Variants in NAP1L1 observed in about 807,000 individuals in gnomAD.
NAP1L1 encodes the protein nucleosome assembly protein 1 like 1, also known as nucleosome assembly protein 1-like 1.
NAP1L1 carries 9 observed loss-of-function variants against 58.9 expected under a neutral mutation model. The ratio of observed to expected loss-of-function variants is 0.15; its 90% CI spans 0.09 to 0.27. The LOEUF (loss-of-function observed/expected upper bound fraction) is 0.27, where lower values mean the gene tolerates loss of function less well. Among genes scored for constraint, NAP1L1 ranks in the 10% least tolerant of loss-of-function variants. NAP1L1 has a pLI of 1.00. For synonymous variants in NAP1L1, 130 were observed against 138.3 expected (o/e 0.94, Z 0.42); for missense variants, 302 against 458.8 (o/e 0.66, Z 3.12).
At chr12:76,075,050 A>G (rs1028208137) in intron 1 of NAP1L1, among the ~76,000 whole-genome samples, 1 of 152,250 alleles carries the variant, frequency 6.6e-6, no homozygotes, top group Non-Finnish European at 1.5e-5. Flanking sequence ...TTGGAAAAAC[A>G]AATCTTAAAG....
At chr12:76,056,959 C>T (rs530469867) in intron 6 of NAP1L1, 2 of 239,228 alleles carry the variant, frequency 8.4e-6, no homozygotes, top group South Asian at 4.6e-5. Context: ...TGCAATAAGC[C>T]GAGACTGCAC....
intron 6 of NAP1L1, chr12:76,057,788 A>G: frequency 6.4e-7 from 1 of 1,551,664 alleles, no homozygotes; most frequent in Non-Finnish European, 8.7e-7. Flanking sequence ...TGTCAAGGTC[A>G]AGGAACAGCA....
rs1234256339 is a variant in NAP1L1 at position 76,047,898 on chromosome 12, AT to A, written c.*530del. ...AACACAATAATCCATTAACACTCTA[AT>A]AACAGTTATTGGGTGTGGTCATACT... On this transcript the variant is annotated 3_prime_UTR_variant, in exon 15 of 15. Coordinates refer to ENST00000618691, the MANE Select transcript of NAP1L1 (RefSeq NM_004537.7). The A allele has an allele frequency of 1.3e-5, 2 of 153,102 alleles. No homozygotes were observed. Among genetic ancestry groups the A allele is most frequent in the African/African-American group, 4.8e-5 (2 of 41,438 alleles). 9.5% of individuals were successfully genotyped at this position (153,102 alleles called of 1,614,324 possible). A position where few individuals can be genotyped will look rare whatever the true frequency, so the allele number is the denominator to read the frequency against.
At position 76,053,389 on chromosome 12, in the gene NAP1L1, A is replaced by G. The variant is rs761437313; in HGVS notation, c.771-39T>C. ...GAAGAAAAATCTATTACAATTGACAATCTTTCAACTGCTAAACTTTTAGAA... is the reference window on the plus strand; with the variant it reads ...GAAGAAAAATCTATTACAATTGACAGTCTTTCAACTGCTAAACTTTTAGAA... On this transcript the variant is annotated intron_variant, in intron 9 of 14. Coordinates refer to ENST00000618691, the MANE Select transcript of NAP1L1 (RefSeq NM_004537.7). 29 of 1,586,240 alleles carry G rather than the reference A, an allele frequency of 1.8e-5. No individual in the cohort carries two copies. In the East Asian group the frequency reaches 6.3e-4, roughly 34 times the overall value.
At chr12:76,063,122 AAGCAACT>A (rs1328634438) in intron 4 of NAP1L1, among the ~76,000 whole-genome samples, 23 of 152,328 alleles carry the variant, frequency 1.5e-4, no homozygotes, top group Non-Finnish European at 2.6e-4. Context: ...ATATTACTAA[AAGCAACT>A]TTTGAGGAAA....
chr12:76,054,788 C>T (rs1949002351), intron 8 of NAP1L1, among the ~76,000 whole-genome samples: 1 of 152,148 alleles, frequency 6.6e-6, no homozygotes, highest in Non-Finnish European at 1.5e-5. Flanking sequence ...GTTCCCTTGG[C>T]ATTATTTTTA....
At chr12:76,055,782 G>T (rs1333577974) in intron 7 of NAP1L1, among the ~76,000 whole-genome samples, 1 of 152,108 alleles carries the variant, frequency 6.6e-6, no homozygotes, top group Non-Finnish European at 1.5e-5. Context: ...AAGGCACAGG[G>T]TTATAAGAAA....
chr12:76,078,003 G>GAAAAA (rs1565749743), intron 1 of NAP1L1, among the ~76,000 whole-genome samples: 2 of 135,952 alleles, frequency 1.5e-5, no homozygotes, highest in African/African-American at 2.7e-5. Flanking sequence ...AAAAAAAAAG[G>GAAAAA]AAAAGAATTA....
rs1007192010 is a variant in NAP1L1, at chr12:76,046,238, G to A, written c.*2191C>T. On this transcript the variant is annotated 3_prime_UTR_variant, in exon 15 of 15. Transcript: ENST00000618691. ...GTTACATACTTCAAATTTCTAGAAT[G>A]GAATGGAATCATTTTGGAACTGGAA... 12 of 152,260 alleles carry A rather than the reference G, an allele frequency of 7.9e-5. No homozygotes were observed. The highest frequency in any genetic ancestry group is 2.9e-4 in the African/African-American group (12 of 41,496). The allele number at this position is 152,260 out of a possible 1,614,324, so 9.4% of individuals were successfully genotyped here. A position where few individuals can be genotyped will look rare whatever the true frequency, so the allele number is the denominator to read the frequency against.
intron 1 of NAP1L1, among the ~76,000 whole-genome samples, chr12:76,076,553 T>TATATATAC: frequency 3.6e-4 from 2 of 5,520 alleles, no homozygotes; most frequent in South Asian, 0.011. Flanking sequence ...TATGGAAATA[T>TATATATAC]ATATATATAT....
chr12:76,083,959 G>C (rs1950507896), intron 1 of NAP1L1: 2 of 152,230 alleles, frequency 1.3e-5, no homozygotes, highest in African/African-American at 4.8e-5. Flanking sequence ...AAGCCGCCGG[G>C]GGTTTCCCCT....
chr12:76,057,885 C>T, intron 6 of NAP1L1: 3 of 1,381,522 alleles, frequency 2.2e-6, no homozygotes, highest in Non-Finnish European at 3.0e-6. Context: ...CAAAAGGTTA[C>T]TATAGCCAAA....
chr12:76,063,026 T>C (rs1428530212), intron 4 of NAP1L1, among the ~76,000 whole-genome samples: 2 of 152,212 alleles, frequency 1.3e-5, no homozygotes, highest in African/African-American at 4.8e-5. Flanking sequence ...TACTATTTCA[T>C]AACCAAACTA....
At chr12:76,057,496 A>G (rs914993115) in intron 6 of NAP1L1, 19 of 669,000 alleles carry the variant, frequency 2.8e-5, no homozygotes, top group South Asian at 1.6e-5. Flanking sequence ...CAGTGGCGGG[A>G]GCAGAGCTGG....
chr12:76,049,680 G>C (rs777092165), intron 13 of NAP1L1, 76 bp downstream of exon 13: 2 of 1,566,914 alleles, frequency 1.3e-6, no homozygotes, highest in Admixed American at 3.4e-5. Flanking sequence ...TTATAGCAAA[G>C]GAATACATAA....
intron 4 of NAP1L1, among the ~76,000 whole-genome samples, chr12:76,064,193 C>G (rs1181719117): frequency 1.3e-5 from 2 of 151,736 alleles, no homozygotes; most frequent in Admixed American, 1.3e-4. Flanking sequence ...AAATTATGAC[C>G]CCCCCAAAAA....
At chr12:76,062,609 C>A (rs758125223) in intron 4 of NAP1L1, among the ~76,000 whole-genome samples, 8 of 152,070 alleles carry the variant, frequency 5.3e-5, no homozygotes, top group Non-Finnish European at 1.2e-4. Context: ...ATGAAAAATA[C>A]AATAACTAAA....
chr12:76,058,959 G>A (rs755497673), intron 6 of NAP1L1, among the ~76,000 whole-genome samples: 1 of 152,130 alleles, frequency 6.6e-6, no homozygotes, highest in Non-Finnish European at 1.5e-5. Context: ...GAGCTATTCT[G>A]GAGATTATTT....
chr12:76,040,838 C>G lies in NAP1L1; in HGVS notation c.*7591G>C, dbSNP rs1565705528. On this transcript the variant is annotated 3_prime_UTR_variant, in exon 15 of 15. Coordinates refer to ENST00000618691, the MANE Select transcript of NAP1L1 (RefSeq NM_004537.7). ...TCAGCCTCCCAAAGTGTTGGGATTA[C>G]AGGCATGAGCCACCACACCTGGCCA... 1.3e-5 allele frequency: 2 copies of G among 152,404 alleles called. No individual in the cohort carries two copies. The highest frequency in any genetic ancestry group is 6.5e-5 in the Admixed American group (1 of 15,304). 9.4% of individuals were successfully genotyped at this position (152,404 alleles called of 1,614,324 possible). A position where few individuals can be genotyped will look rare whatever the true frequency, so the allele number is the denominator to read the frequency against.
Sources: gnomAD v4.1 joint callset for allele counts (sites outside exome capture counted in the v4.1 genomes callset) on GRCh38, gnomAD v4.1.1 for gene constraint, MANE v1.5 for transcripts, NCBI Gene and HGNC (gene_info 2026-07-23, HGNC 2026-07-21) for gene names.